Variants in COL12A1 observed in about 807,000 individuals in gnomAD.
COL12A1 encodes the protein collagen alpha-1(XII) chain.
COL12A1 carries 114 observed loss-of-function variants against 349.7 expected under a neutral mutation model. The observed-to-expected ratio is 0.33, with a 90% CI of 0.28 to 0.38. The LOEUF (loss-of-function observed/expected upper bound fraction) is 0.38. Ranked by LOEUF, COL12A1 falls within the 10% of genes least tolerant of loss-of-function variation. The pLI, the probability that COL12A1 is intolerant of heterozygous loss-of-function variation, is 1.00. For missense variants in COL12A1, 3,284 were observed against 3,756.9 expected, an observed-to-expected ratio of 0.87 and a Z score of 3.29; for synonymous variants, 1,369 against 1,329.0, an observed-to-expected ratio of 1.03 and a Z score of -0.66.
chr6:75,096,495 T>C (rs1438139932), intron 59 of COL12A1, among the ~76,000 whole-genome samples: 1 of 152,222 alleles, frequency 6.6e-6, no homozygotes, highest in Non-Finnish European at 1.5e-5. Flanking sequence ...ATATCTTACG[T>C]TGAAGACCCT....
In COL12A1 at chr6:75,147,703, A is replaced by G; in HGVS notation, c.4389T>C (p.Ser1463=). The change falls in exon 23 of 66, where the codon AGT becomes AGC. Residue 1463 remains serine, a synonymous_variant. Coordinates refer to ENST00000322507, the MANE Select transcript of COL12A1 (RefSeq NM_004370.6). ...NVYSVVEDEY[S]EPLKGTEKTL... ...TTTTTTCTGTCCCCTTCAGAGGCTCACTATATTCATCTTCTACCACAGAAT... is the reference window on the plus strand; with the variant it reads ...TTTTTTCTGTCCCCTTCAGAGGCTCGCTATATTCATCTTCTACCACAGAAT... 3 of 1,612,280 alleles carry G rather than the reference A, an allele frequency of 1.9e-6. No individual in the cohort carries two copies. The highest frequency in any genetic ancestry group is 2.5e-6 in the Non-Finnish European group (3 of 1,179,130).
At chr6:75,105,977 A>G (rs969710243) in intron 53 of COL12A1, among the ~76,000 whole-genome samples, 43 of 152,312 alleles carry the variant, frequency 2.8e-4, no homozygotes, top group African/African-American at 9.6e-4. Flanking sequence ...ATCCATCACC[A>G]ACGTTCAACT....
chr6:75,169,170 G>T (rs1356548977), intron 13 of COL12A1, among the ~76,000 whole-genome samples: 1 of 152,154 alleles, frequency 6.6e-6, no homozygotes, highest in African/African-American at 2.4e-5. Flanking sequence ...ACCTAGCAAG[G>T]CATTTACTTG....
At position 75,145,363 on chromosome 6, in the gene COL12A1, G is replaced by T. The variant is rs74383804; in HGVS notation, c.4653C>A (p.Asp1551Glu). 5.0e-6 allele frequency: 8 copies of T among 1,613,224 alleles called. No homozygotes were observed. The highest frequency in any genetic ancestry group is 6.8e-6 in the Non-Finnish European group (8 of 1,179,488). The change falls in exon 25 of 66, where the codon GAC becomes GAA. Residue 1551 changes from aspartate (D) to glutamate (E), a missense_variant. This residue lies in a region of COL12A1 where 2,601 missense variants were observed against 2,824.8 expected (regional missense o/e 0.92). Coordinates refer to ENST00000322507, the MANE Select transcript of COL12A1 (RefSeq NM_004370.6). ...GAACAGTGACAGGTTCACTAGTGAG[G>T]TCGTGCAGGACAGCCTGGACTGTGA... ...YAVTVQAVLH[D>E]LTSEPVTVRE...
At chr6:75,120,640 A>T (rs1014164950) in intron 44 of COL12A1, among the ~76,000 whole-genome samples, 1 of 152,188 alleles carries the variant, frequency 6.6e-6, no homozygotes, top group African/African-American at 2.4e-5. Flanking sequence ...GCCATCATGG[A>T]ACCTCACCAG....
chr6:75,119,810 C>T (rs892123973), intron 44 of COL12A1, among the ~76,000 whole-genome samples: 3 of 152,148 alleles, frequency 2.0e-5, no homozygotes, highest in African/African-American at 4.8e-5. Context: ...CATACCATCT[C>T]GAATCCAAAT....
chr6:75,134,887 C>G, intron 31 of COL12A1, 32 bp from the exon 32 acceptor site: 1 of 1,594,416 alleles, frequency 6.3e-7, no homozygotes, highest in Non-Finnish European at 8.6e-7. Flanking sequence ...TAAGTGTCAG[C>G]CTTGCTCTCT....
At position 75,130,842 on chromosome 6, in the gene COL12A1, T is replaced by G; in HGVS notation, c.6067+10A>C. The G allele has an allele frequency of 6.2e-7, 1 of 1,614,020 alleles. No individual in the cohort carries two copies. Among genetic ancestry groups the G allele is most frequent in the Non-Finnish European group, 8.5e-7 (1 of 1,179,940 alleles). The stretch of plus-strand genomic sequence containing the variant: ...AAGGGAATGGAATGGAGAAAGGATT[T>G]CTGCCTCACGCGTTCGGCCCTGGGC... On this transcript the variant is annotated intron_variant, in intron 36 of 65. Coordinates refer to ENST00000322507, the MANE Select transcript of COL12A1 (RefSeq NM_004370.6).
intron 50 of COL12A1, 117 bp from the exon 51 acceptor site, chr6:75,113,430 G>T: frequency 1.1e-6 from 1 of 942,900 alleles, no homozygotes; most frequent in Non-Finnish European, 1.5e-6. Context: ...TTTCAGTTAT[G>T]ATAAAATGCA....
chr6:75,104,491 C>G (rs192984428), intron 54 of COL12A1, among the ~76,000 whole-genome samples: 307 of 152,262 alleles, frequency 2.0e-3, no homozygotes, highest in Non-Finnish European at 3.9e-3. Context: ...TTCTGTGAAT[C>G]CCTGAGCTCC....
intron 51 of COL12A1, among the ~76,000 whole-genome samples, chr6:75,109,518 T>G (rs937939429): frequency 6.6e-6 from 1 of 152,286 alleles, no homozygotes; most frequent in African/African-American, 2.4e-5. Context: ...TAATAAATCA[T>G]GTATATACTA....
chr6:75,202,357 G>T (rs564149967), intron 2 of COL12A1, among the ~76,000 whole-genome samples: 2 of 152,318 alleles, frequency 1.3e-5, no homozygotes, highest in Admixed American at 1.3e-4. Context: ...GGGGCTCCTG[G>T]GTGCCACCCG....
intron 11 of COL12A1, among the ~76,000 whole-genome samples, chr6:75,179,584 G>A (rs2149459867): frequency 6.7e-6 from 1 of 150,278 alleles, no homozygotes; most frequent in South Asian, 2.1e-4. Context: ...TCTGAAAAAT[G>A]TTTCACAGAA....
chr6:75,188,328 C>T lies in COL12A1; in HGVS notation c.997+34G>A, dbSNP rs754492098. ...ATAAATACTCAAACAATGGAAAAGA[C>T]TAACACATGGGGAATGCTACACAGT... On this transcript the variant is annotated intron_variant, in intron 8 of 65. Transcript: ENST00000322507. 19 of 1,573,770 alleles carry T rather than the reference C, an allele frequency of 1.2e-5. No individual in the cohort carries two copies. In the Admixed American group the frequency reaches 3.7e-4, roughly 30 times the overall value.
intron 15 of COL12A1, 87 bp from the exon 16 acceptor site, chr6:75,155,941 C>T (rs565804972): frequency 7.3e-7 from 1 of 1,370,112 alleles, no homozygotes; most frequent in African/African-American, 1.5e-5. Context: ...AAATGCATAT[C>T]CATAAAAAGG....
intron 13 of COL12A1, among the ~76,000 whole-genome samples, chr6:75,171,585 A>G (rs1768636596): frequency 6.6e-6 from 1 of 152,210 alleles, no homozygotes; most frequent in East Asian, 1.9e-4. Context: ...GGCTGACACC[A>G]TGCCTCTGGA....
chr6:75,113,794 A>G, intron 49 of COL12A1, 50 bp from the exon 50 acceptor site: 2 of 1,401,740 alleles, frequency 1.4e-6, no homozygotes, highest in Admixed American at 2.1e-5. Flanking sequence ...AAAAAAAGAA[A>G]GGAAGAAAGA....
At position 75,113,642 on chromosome 6, in the gene COL12A1, T is replaced by G. The variant is rs370691983; in HGVS notation, c.7800A>C (p.Thr2600=). Residue 2600 remains threonine, a synonymous_variant, in exon 50 of 66, where the codon ACA becomes ACC. Coordinates refer to ENST00000322507, the MANE Select transcript of COL12A1 (RefSeq NM_004370.6). ...CAACTTGTGGTTTGTAGTCTCTGTC[T>G]GTGATTTGCCAAATTGCAAAAGGGT... ...PSDPFAIWQI[T]DRDYKPQVGV... 1.2e-6 allele frequency: 2 copies of G among 1,610,740 alleles called. No homozygotes were observed. The highest frequency in any genetic ancestry group is 1.7e-6 in the Non-Finnish European group (2 of 1,177,744).
chr6:75,179,974 C>G (rs1769178033), intron 11 of COL12A1, among the ~76,000 whole-genome samples: 1 of 152,196 alleles, frequency 6.6e-6, no homozygotes, highest in African/African-American at 2.4e-5. Flanking sequence ...GTGGGTGCAG[C>G]CCAAATGTCC....
Sources: gnomAD v4.1 joint callset for allele counts (sites outside exome capture counted in the v4.1 genomes callset) on GRCh38, gnomAD v4.1.1 for gene constraint, gnomAD v4.1.1 regional missense constraint, MANE v1.5 for transcripts, NCBI Gene and HGNC (gene_info 2026-07-23, HGNC 2026-07-21) for gene names.